SEC24B: variants seen among roughly 807,000 people sequenced by gnomAD.
SEC24B encodes the protein SEC24 homolog B, COPII component, also known as protein transport protein Sec24B.
In SEC24B, 45 loss-of-function variants were observed where a neutral mutation model predicts 142.8. The ratio of observed to expected loss-of-function variants is 0.32; its 90% CI spans 0.25 to 0.40. The LOEUF is 0.40. Among genes scored for constraint, SEC24B ranks in the 10% least tolerant of loss-of-function variants. The pLI, the probability that SEC24B is intolerant of heterozygous loss-of-function variation, is 1.00. For synonymous variants in SEC24B, 574 were observed against 568.2 expected, an observed-to-expected ratio of 1.01 and a Z score of -0.15; for missense variants, 1,409 against 1,526.8, an observed-to-expected ratio of 0.92 and a Z score of 1.29.
chr4:109,464,294 CTT>C (rs796520724), intron 2 of SEC24B, among the ~76,000 whole-genome samples: 98 of 141,772 alleles, frequency 6.9e-4, no homozygotes, highest in Admixed American at 6.4e-4. Context: ...GTGGCTTGCC[CTT>C]TTTTTTTTTT....
intron 20 of SEC24B, among the ~76,000 whole-genome samples, chr4:109,532,155 C>A (rs574590301): frequency 1.3e-5 from 2 of 152,144 alleles, no homozygotes; most frequent in South Asian, 4.1e-4. Context: ...CCACACCTGG[C>A]CAATATTGAC....
chr4:109,516,386 A>G (rs1037078321), intron 10 of SEC24B, 142 bp from the exon 11 acceptor site: 2 of 570,306 alleles, frequency 3.5e-6, no homozygotes, highest in Admixed American at 6.5e-5. Flanking sequence ...TATCATTTTC[A>G]TGAGCACATA....
chr4:109,484,518 TGTGTTCTCCAAAAAAAGAAAAA>T (rs966250673), intron 4 of SEC24B, among the ~76,000 whole-genome samples: 4 of 152,132 alleles, frequency 2.6e-5, no homozygotes, highest in Admixed American at 1.3e-4. Flanking sequence ...ATTTAAATGT[TGTGTTCTCCAAAAAAAGAAAAA>T]AAAGAGAGAG....
chr4:109,436,474 C>T (rs964630879), intron 1 of SEC24B, among the ~76,000 whole-genome samples: 11 of 152,140 alleles, frequency 7.2e-5, no homozygotes, highest in Non-Finnish European at 1.5e-4. Context: ...GGAATGGTAC[C>T]TAGAAATCAC....
At chr4:109,539,489 G>A (rs1717764494) in intron 23 of SEC24B, 72 bp from the exon 24 acceptor site, 1 of 831,724 alleles carries the variant, frequency 1.2e-6, no homozygotes, top group South Asian at 1.5e-5. Context: ...GTAATTTTAT[G>A]AGCTAGATTG....
At chr4:109,509,180 CA>C (rs1471372076) in intron 7 of SEC24B, among the ~76,000 whole-genome samples, 2 of 152,086 alleles carry the variant, frequency 1.3e-5, no homozygotes, top group African/African-American at 4.8e-5. Flanking sequence ...TTCCAACCTG[CA>C]TGAATGGCAA....
At chr4:109,520,544 T>A in intron 12 of SEC24B, 60 bp downstream of exon 12, 2 of 891,736 alleles carry the variant, frequency 2.2e-6, no homozygotes, top group South Asian at 1.4e-5. Context: ...GGGGCTACTT[T>A]ATTTTAATAT....
At chr4:109,473,479 A>AT (rs1332217945) in intron 3 of SEC24B, among the ~76,000 whole-genome samples, 2 of 149,660 alleles carry the variant, frequency 1.3e-5, no homozygotes, top group African/African-American at 2.5e-5. Flanking sequence ...TTTATTTCCT[A>AT]TTTTTTAAAG....
chr4:109,443,922 G>C (rs1286229569), intron 1 of SEC24B, among the ~76,000 whole-genome samples: 1 of 152,108 alleles, frequency 6.6e-6, no homozygotes, highest in Admixed American at 6.6e-5. Flanking sequence ...GGGAGAGAGA[G>C]TAATGAAAGA....
At chr4:109,530,794 G>A (rs1439072732) in intron 19 of SEC24B, among the ~76,000 whole-genome samples, 1 of 151,602 alleles carries the variant, frequency 6.6e-6, no homozygotes, top group Non-Finnish European at 1.5e-5. Context: ...TACTCTGGGG[G>A]CTGAGGCAGG....
At chr4:109,511,298 C>A (rs1273834977) in intron 8 of SEC24B, among the ~76,000 whole-genome samples, 1 of 151,102 alleles carries the variant, frequency 6.6e-6, no homozygotes, top group Non-Finnish European at 1.5e-5. Context: ...TTTTTTACAA[C>A]AGATATGTGG....
rs1180082520 is a variant in SEC24B, at chr4:109,494,792, C to T, written c.1424C>T (p.Ala475Val). Residue 475 changes from alanine (A) to valine (V), a missense_variant, in exon 6 of 24, where the codon GCA becomes GTA. Ala to Val is a moderately conservative substitution (Grantham distance 64). Transcript: ENST00000265175. ...CAGCCTGGTTATCAGAATGCTACAG[C>T]ACCACTTATTTCTGGAGTACAGCCC... Reference protein sequence around the residue: ...TLQPGYQNATAPLISGVQPSN... With the variant: ...TLQPGYQNATVPLISGVQPSN... The T allele has an allele frequency of 6.2e-7, 1 of 1,614,190 alleles. No homozygotes were observed.
chr4:109,526,443 T>TC, intron 17 of SEC24B, 44 bp downstream of exon 17: 1 of 1,459,776 alleles, frequency 6.9e-7, no homozygotes, highest in Admixed American at 1.9e-5. Flanking sequence ...CAGTAATTCC[T>TC]CCCTCCTTTC....
chr4:109,521,054 C>T, intron 12 of SEC24B, 63 bp from the exon 13 acceptor site: 1 of 1,070,384 alleles, frequency 9.3e-7, no homozygotes, highest in South Asian at 1.3e-5. Flanking sequence ...CTGATAAAAA[C>T]TAAGATTTTC....
At chr4:109,468,424 C>A (rs34813537) in intron 2 of SEC24B, among the ~76,000 whole-genome samples, 13,750 of 152,184 alleles carry the variant, frequency 0.09, 703 homozygotes, top group Middle Eastern at 0.18. Context: ...AGCTGTTATC[C>A]CCTCTCCAGA....
chr4:109,493,382 A>G (rs529661294), intron 5 of SEC24B, among the ~76,000 whole-genome samples: 1 of 152,348 alleles, frequency 6.6e-6, no homozygotes, highest in East Asian at 1.9e-4. Context: ...AAATGAATGC[A>G]CATTGTAGAG....
In SEC24B at chr4:109,433,882, G is replaced by C. The variant is rs1361556403; in HGVS notation, c.13G>C (p.Ala5Pro). Residue 5 changes from alanine (A) to proline (P), a missense_variant, in exon 1 of 24, where the codon GCC becomes CCC. Ala to Pro is a conservative substitution (Grantham distance 27). Coordinates refer to ENST00000265175, the MANE Select transcript of SEC24B (RefSeq NM_006323.5). ...CACCAGCGCCGTCATGTCGGCCCCC[G>C]CCGGGTCCTCTCACCCGGCCGCCAG... MSAP[A>P]GSSHPAASAR... is the part of the protein sequence containing the mutation. 4 of 1,341,460 alleles carry C rather than the reference G, an allele frequency of 3.0e-6. No individual in the cohort carries two copies. Among genetic ancestry groups the C allele is most frequent in the Admixed American group, 6.1e-5 (2 of 32,552 alleles). 83.1% of individuals were successfully genotyped at this position (1,341,460 alleles called of 1,614,324 possible).
intron 4 of SEC24B, among the ~76,000 whole-genome samples, chr4:109,488,482 A>C (rs982455759): frequency 2.6e-5 from 4 of 152,150 alleles, no homozygotes; most frequent in Non-Finnish European, 5.9e-5. Flanking sequence ...TCCATATGTG[A>C]ATGTATCACA....
chr4:109,492,533 A>G (rs1212474574), intron 5 of SEC24B, among the ~76,000 whole-genome samples: 1 of 152,220 alleles, frequency 6.6e-6, no homozygotes, highest in Non-Finnish European at 1.5e-5. Flanking sequence ...TCAGTCAACG[A>G]ATTCTAATCT....
Sources: allele counts gnomAD v4.1 joint callset (sites outside exome capture counted in the v4.1 genomes callset), GRCh38; gene constraint gnomAD v4.1.1; transcripts MANE v1.5; gene names NCBI Gene and HGNC (gene_info 2026-07-23, HGNC 2026-07-21).